Variants in DACH1 observed in about 807,000 individuals in gnomAD.
The protein encoded by DACH1 is dachshund family transcription factor 1, also known as dachshund homolog 1.
Under a neutral mutation model 54.2 loss-of-function variants are expected in DACH1, and 12 were observed. The observed-to-expected ratio is 0.22, with a 90% CI of 0.14 to 0.36. DACH1 has a LOEUF of 0.36. Ranked by LOEUF, DACH1 falls within the 10% of genes least tolerant of loss-of-function variation. The pLI is 1.00. For missense variants in DACH1, 805 were observed against 929.8 expected, an observed-to-expected ratio of 0.87 and a Z score of 1.75; for synonymous variants, 386 against 366.2, an observed-to-expected ratio of 1.05 and a Z score of -0.62.
chr13:71,676,235 T>A (rs1880559537), intron 2 of DACH1, among the ~76,000 whole-genome samples: 1 of 151,892 alleles, frequency 6.6e-6, no homozygotes, highest in Non-Finnish European at 1.5e-5. Context: ...TTTTTTTTGT[T>A]GAGATGGAGT....
At chr13:71,583,597 C>T (rs757642830) in intron 3 of DACH1, among the ~76,000 whole-genome samples, 1 of 152,164 alleles carries the variant, frequency 6.6e-6, no homozygotes, top group Non-Finnish European at 1.5e-5. Flanking sequence ...AATCCCAGCA[C>T]TTTGGGAGGC....
chr13:71,728,577 ACT>A (rs1883589685), intron 1 of DACH1, among the ~76,000 whole-genome samples: 1 of 152,048 alleles, frequency 6.6e-6, no homozygotes, highest in Admixed American at 6.6e-5. Context: ...GAAATAAATG[ACT>A]CTATAAATTT....
At position 71,488,997 on chromosome 13, in the gene DACH1, C is replaced by G; in HGVS notation, c.1722G>C (p.Gln574His). ...TCTTCCAGGTTGTAAAAAGGCCTAC[C>G]TGTATGTTAGTCAGAAGAGTCTCGA... ...SSIETLLTNIQGLLKVAIDNA... is the reference protein window; with the variant it reads ...SSIETLLTNIHGLLKVAIDNA... Residue 574 changes from glutamine to histidine, a missense_variant and splice_region_variant, in exon 7 of 11, where the codon CAG (glutamine) becomes CAC (histidine). Gln to His is a conservative substitution (Grantham distance 24). Coordinates refer to ENST00000613252, the MANE Select transcript of DACH1 (RefSeq NM_080759.6). 6.2e-7 allele frequency: 1 copy of G among 1,611,838 alleles called. No homozygotes were observed. The highest frequency in any genetic ancestry group is 8.5e-7 in the Non-Finnish European group (1 of 1,178,916).
chr13:71,860,109 T>C (rs1037219994), intron 1 of DACH1, among the ~76,000 whole-genome samples: 1 of 151,608 alleles, frequency 6.6e-6, no homozygotes, highest in Non-Finnish European at 1.5e-5. Context: ...CTTAATGCAG[T>C]CCCAAAGCCT....
chr13:71,499,366 G>T (rs1297646058), intron 6 of DACH1, among the ~76,000 whole-genome samples: 2 of 152,118 alleles, frequency 1.3e-5, no homozygotes, highest in Admixed American at 6.6e-5. Flanking sequence ...AACAGACACG[G>T]TTATATTTCC....
intron 1 of DACH1, among the ~76,000 whole-genome samples, chr13:71,803,117 G>A (rs1340112889): frequency 6.6e-6 from 1 of 151,924 alleles, no homozygotes; most frequent in Admixed American, 6.6e-5. Flanking sequence ...TAAAACAAAG[G>A]CACATCAATA....
At position 71,475,031 on chromosome 13, in the gene DACH1, C is replaced by T; in HGVS notation, c.2083+110G>A. The T allele has an allele frequency of 7.7e-6, 7 of 904,778 alleles. No individual in the cohort carries two copies. The East Asian group carries it at 1.7e-4, about 22-fold the overall frequency. 56.0% of individuals were successfully genotyped at this position (904,778 alleles called of 1,614,324 possible). ...CAAGATGAACTTGACCTTGTTTGAACTTGTTTTGATGTGGCCCAGATGGTA... is the reference window on the plus strand; with the variant it reads ...CAAGATGAACTTGACCTTGTTTGAATTTGTTTTGATGTGGCCCAGATGGTA... On this transcript the variant is annotated intron_variant, in intron 10 of 10. Coordinates refer to ENST00000613252, the MANE Select transcript of DACH1 (RefSeq NM_080759.6).
At chr13:71,660,373 CATATAAA>C (rs1430960124) in intron 2 of DACH1, among the ~76,000 whole-genome samples, 1 of 151,982 alleles carries the variant, frequency 6.6e-6, no homozygotes, top group African/African-American at 2.4e-5. Flanking sequence ...TCAGATCTGG[CATATAAA>C]ATATGTATAC....
chr13:71,824,787 TTC>T lies in DACH1; in HGVS notation c.848+41133_848+41134del, dbSNP rs556775929. ...AATGGAGGAATTTGTCCTAAAATAT[TTC>T]TGTTTTTTCCTCTCATAAAGTCAAT... is the stretch of plus-strand genomic sequence containing the variant. On this transcript the variant is annotated intron_variant, in intron 1 of 10. Coordinates refer to ENST00000613252, the MANE Select transcript of DACH1 (RefSeq NM_080759.6). Among the ~76,000 whole-genome samples the T allele has an allele frequency of 1.8e-4, 27 of 152,186 alleles. No individual in the cohort carries two copies. In the East Asian group the frequency reaches 2.7e-3, roughly 15 times the overall value.
chr13:71,825,849 G>T (rs529693053), intron 1 of DACH1, among the ~76,000 whole-genome samples: 1 of 152,150 alleles, frequency 6.6e-6, no homozygotes, highest in South Asian at 2.1e-4. Flanking sequence ...AAGACAACTT[G>T]TATTTATATT....
chr13:71,616,956 A>G (rs929929373), intron 3 of DACH1, among the ~76,000 whole-genome samples: 1 of 147,516 alleles, frequency 6.8e-6, no homozygotes, highest in South Asian at 2.1e-4. Flanking sequence ...ATCTTGGCTC[A>G]CTGCAACCTC....
intron 6 of DACH1, among the ~76,000 whole-genome samples, chr13:71,539,881 T>C (rs1883023146): frequency 1.3e-5 from 2 of 152,148 alleles, no homozygotes; most frequent in Middle Eastern, 6.8e-3. Flanking sequence ...AAGAACTGGT[T>C]GTATTTTAAA....
intron 2 of DACH1, among the ~76,000 whole-genome samples, chr13:71,642,962 T>C (rs564853453): frequency 7.3e-4 from 111 of 152,102 alleles, no homozygotes; most frequent in African/African-American, 2.5e-3. Context: ...GAGGCAGAGG[T>C]TGCAGTGAGC....
intron 2 of DACH1, among the ~76,000 whole-genome samples, chr13:71,658,482 T>C (rs1879284289): frequency 6.6e-6 from 1 of 152,044 alleles, no homozygotes; most frequent in Non-Finnish European, 1.5e-5. Context: ...CCCGGGAGGC[T>C]GAGGTTGCAG....
chr13:71,761,164 T>C (rs547491037), intron 1 of DACH1, among the ~76,000 whole-genome samples: 2 of 152,294 alleles, frequency 1.3e-5, no homozygotes, highest in Admixed American at 1.3e-4. Flanking sequence ...GAATTACCTC[T>C]ATGCTATTCT....
chr13:71,440,727 T>C, intron 10 of DACH1, 35 bp from the exon 11 acceptor site: 2 of 1,540,498 alleles, frequency 1.3e-6, no homozygotes, highest in Non-Finnish European at 1.8e-6. Flanking sequence ...ATTAATGGCA[T>C]GGTATTTGGG....
intron 1 of DACH1, among the ~76,000 whole-genome samples, chr13:71,839,575 C>T (rs1039969266): frequency 1.4e-4 from 21 of 151,898 alleles, no homozygotes; most frequent in African/African-American, 4.6e-4. Context: ...CCACTGCACT[C>T]CAGCCTGGGC....
intron 2 of DACH1, among the ~76,000 whole-genome samples, chr13:71,633,601 G>GACAC (rs76720343): frequency 0.049 from 7,357 of 149,560 alleles, 341 homozygotes; most frequent in African/African-American, 0.1. Flanking sequence ...GTGTGTCACT[G>GACAC]ACACACACAC....
intron 3 of DACH1, among the ~76,000 whole-genome samples, chr13:71,587,990 T>A (rs919645783): frequency 2.0e-5 from 3 of 152,138 alleles, no homozygotes; most frequent in Admixed American, 1.3e-4. Context: ...TTCAAAGCTT[T>A]CTGTGAAAAG....
Sources: allele counts gnomAD v4.1 joint callset (sites outside exome capture counted in the v4.1 genomes callset), GRCh38; gene constraint gnomAD v4.1.1; transcripts MANE v1.5; gene names NCBI Gene and HGNC (gene_info 2026-07-23, HGNC 2026-07-21).